Variants in ADAMTS9 observed in about 807,000 individuals in gnomAD.
The protein encoded by ADAMTS9 is ADAM metallopeptidase with thrombospondin type 1 motif 9, also known as A disintegrin and metalloproteinase with thrombospondin motifs 9.
In ADAMTS9, 107 loss-of-function variants were observed where a neutral mutation model predicts 257.1. The ratio of observed to expected loss-of-function variants is 0.42; its 90% CI spans 0.36 to 0.49. ADAMTS9 has a LOEUF of 0.49. ADAMTS9 is among the 20% of genes least tolerant of loss of function. The pLI, the probability that ADAMTS9 is intolerant of heterozygous loss-of-function variation, is 0.03. For synonymous variants in ADAMTS9, 982 were observed against 880.9 expected (o/e 1.11, Z -2.03); for missense variants, 2,353 against 2,469.1 (o/e 0.95, Z 1.00).
intron 29 of ADAMTS9, 23 bp from the exon 30 acceptor site, chr3:64,561,774 T>C (rs1339259959): frequency 3.3e-6 from 4 of 1,195,588 alleles, no homozygotes; most frequent in South Asian, 2.9e-5. Flanking sequence ...AGAACGTAAG[T>C]GGGAGCTTCG....
chr3:64,523,749 A>AT (rs1031232949), intron 38 of ADAMTS9, among the ~76,000 whole-genome samples: 1 of 152,050 alleles, frequency 6.6e-6, no homozygotes, highest in African/African-American at 2.4e-5. Context: ...CATTTTGTGA[A>AT]TTTTTTTGTC....
intron 29 of ADAMTS9, 80 bp from the exon 30 acceptor site, chr3:64,561,831 G>C (rs971970632): frequency 2.3e-6 from 3 of 1,292,468 alleles, no homozygotes; most frequent in Non-Finnish European, 3.3e-6. Context: ...GGTCACAGAG[G>C]AGGGGAATGC....
At chr3:64,552,880 T>C (rs1428320973) in intron 30 of ADAMTS9, among the ~76,000 whole-genome samples, 2 of 152,232 alleles carry the variant, frequency 1.3e-5, no homozygotes, top group East Asian at 1.9e-4. Context: ...TTAAAATGTC[T>C]AATTTTAGTC....
At chr3:64,532,327 A>G (rs2082992473) in intron 38 of ADAMTS9, among the ~76,000 whole-genome samples, 2 of 152,196 alleles carry the variant, frequency 1.3e-5, no homozygotes, top group Non-Finnish European at 2.9e-5. Context: ...ATCATCTAAC[A>G]CAAAGCCTAT....
intron 12 of ADAMTS9, among the ~76,000 whole-genome samples, chr3:64,641,320 ATTT>A (rs1342834187): frequency 9.2e-6 from 1 of 108,516 alleles, no homozygotes; most frequent in Non-Finnish European, 2.0e-5. Context: ...TTTTATTTTT[ATTT>A]TTTATTATTA....
Position 64,518,839 on chromosome 3 carries a change from G to A in ADAMTS9, c.*6-1718C>T, listed in dbSNP as rs1027526015. ...CCAGGCTGGAGTGCAGTGGCGGGGCGTGGTCTTGGCTGACTGCAACCTCTG... is the reference window on the plus strand; with the variant it reads ...CCAGGCTGGAGTGCAGTGGCGGGGCATGGTCTTGGCTGACTGCAACCTCTG... On this transcript the variant is annotated intron_variant, in intron 39 of 39. Transcript: ENST00000498707. 5.5e-5 allele frequency among the ~76,000 whole-genome samples: 8 copies of A among 146,210 alleles called. No homozygotes were observed. In the East Asian group the frequency reaches 1.2e-3, roughly 22 times the overall value.
At chr3:64,620,739 T>C (rs377386838) in intron 19 of ADAMTS9, among the ~76,000 whole-genome samples, 2 of 152,214 alleles carry the variant, frequency 1.3e-5, no homozygotes, top group South Asian at 2.1e-4. Flanking sequence ...TCGGTAGATA[T>C]AGGTCATTAT....
chr3:64,605,482 C>T (rs920850531), intron 23 of ADAMTS9, among the ~76,000 whole-genome samples: 33 of 152,208 alleles, frequency 2.2e-4, no homozygotes, highest in African/African-American at 7.7e-4. Context: ...CACTCTTTAT[C>T]CATTAACAAC....
intron 4 of ADAMTS9, among the ~76,000 whole-genome samples, chr3:64,656,951 G>A (rs1354360200): frequency 9.7e-5 from 4 of 41,182 alleles, no homozygotes; most frequent in African/African-American, 2.1e-4. Flanking sequence ...GTAAATCAGG[G>A]CTCGTCTATT....
chr3:64,647,664 T>C (rs969629799), intron 11 of ADAMTS9, among the ~76,000 whole-genome samples: 6 of 152,218 alleles, frequency 3.9e-5, no homozygotes, highest in African/African-American at 1.2e-4. Context: ...ACTGTAATTT[T>C]AGAAATGTTT....
At chr3:64,613,218 C>G in intron 22 of ADAMTS9, 127 bp downstream of exon 22, 2 of 1,099,386 alleles carry the variant, frequency 1.8e-6, no homozygotes, top group Non-Finnish European at 2.6e-6. Context: ...GATCCAGTGC[C>G]ATGGAGGTGT....
chr3:64,647,974 G>T lies in ADAMTS9; in HGVS notation c.1676C>A (p.Pro559His). The stretch of plus-strand genomic sequence containing the variant: ...CTCGCACTCCGTCCCATCGGCCCAG[G>T]GTGTGTGCTGAGTCCGGCAGCCTTT... ...VHKGCRTQHTPWADGTECEPG... is the reference protein window; with the variant it reads ...VHKGCRTQHTHWADGTECEPG... Residue 559 changes from proline to histidine, a missense_variant, in exon 11 of 40, where the codon CCC (proline) becomes CAC (histidine). Pro to His is a moderately conservative substitution (Grantham distance 77). Around this residue, in one of 3 missense-constraint regions of ADAMTS9, gnomAD observed 360 missense variants for 458.1 expected, o/e 0.79. Transcript: ENST00000498707. 6.2e-7 allele frequency: 1 copy of T among 1,613,926 alleles called. No homozygotes were observed.
chr3:64,684,183 A>G (rs1701832734), intron 2 of ADAMTS9, among the ~76,000 whole-genome samples: 1 of 152,174 alleles, frequency 6.6e-6, no homozygotes, highest in South Asian at 2.1e-4. Flanking sequence ...GAGTGAGTGC[A>G]CTGTAAATAG....
At chr3:64,594,603 A>ACT (rs1210391876) in intron 27 of ADAMTS9, among the ~76,000 whole-genome samples, 169 bp from the exon 28 acceptor site, 1 of 151,940 alleles carries the variant, frequency 6.6e-6, no homozygotes, top group African/African-American at 2.4e-5. Context: ...ACAGACCAAG[A>ACT]CTCTCCTACT....
chr3:64,666,704 C>T (rs940795027), intron 3 of ADAMTS9, among the ~76,000 whole-genome samples: 7 of 152,166 alleles, frequency 4.6e-5, no homozygotes, highest in African/African-American at 1.7e-4. Flanking sequence ...ATAAAATGCC[C>T]TTAAAGCAGG....
rs1467861998 is a variant in ADAMTS9, at chr3:64,686,934, G to A, written c.150C>T (p.Ile50=). Reference sequence around the variant, plus strand: ...GAGCGTTCACTCGGATGGGAGACACGATTTCGTATTCGCTCAGGGTCTCTA... The same window carrying A: ...GAGCGTTCACTCGGATGGGAGACACAATTTCGTATTCGCTCAGGGTCTCTA... ...KLLETLSEYE[I]VSPIRVNALG... Residue 50 remains isoleucine (I), a synonymous_variant, in exon 2 of 40, where the codon ATC becomes ATT. Transcript: ENST00000498707. This position sits in a 1 kb window ranked among gnomAD's most constrained non-coding sequence, Gnocchi z 4.6. 9 of 1,614,064 alleles carry A rather than the reference G, an allele frequency of 5.6e-6. No individual in the cohort carries two copies. Among genetic ancestry groups the A allele is most frequent in the Non-Finnish European group, 7.6e-6 (9 of 1,180,034 alleles).
intron 4 of ADAMTS9, among the ~76,000 whole-genome samples, chr3:64,657,036 C>T (rs1054401476): frequency 2.6e-5 from 4 of 152,010 alleles, no homozygotes; most frequent in South Asian, 2.1e-4. Flanking sequence ...CATCTCGAAT[C>T]GTTCAAAAAA....
chr3:64,621,051 C>T lies in ADAMTS9; in HGVS notation c.2813+63G>A, dbSNP rs1422877175. 1.9e-6 allele frequency: 3 copies of T among 1,548,256 alleles called. No homozygotes were observed. The Admixed American group carries it at 6.2e-5, about 32-fold the overall frequency. On this transcript the variant is annotated intron_variant, in intron 19 of 39. Transcript: ENST00000498707. ...GCATCCCCTCCTTTTGCTTCTCCTGCTGGGACCTCCTGCAAGACTCTCACA... is the reference window on the plus strand; with the variant it reads ...GCATCCCCTCCTTTTGCTTCTCCTGTTGGGACCTCCTGCAAGACTCTCACA...
intron 3 of ADAMTS9, among the ~76,000 whole-genome samples, chr3:64,675,333 A>G (rs1701599519): frequency 6.6e-6 from 1 of 152,206 alleles, no homozygotes; most frequent in Admixed American, 6.5e-5. Context: ...TATTAGTATC[A>G]TCTAGGGAAT....
Sources: gnomAD v4.1 joint callset for allele counts (sites outside exome capture counted in the v4.1 genomes callset) on GRCh38, gnomAD v4.1.1 for gene constraint, gnomAD v4.1.1 regional missense constraint, Gnocchi (gnomAD v3.1) non-coding constraint, MANE v1.5 for transcripts, NCBI Gene and HGNC (gene_info 2026-07-23, HGNC 2026-07-21) for gene names.